ARID5B: variants seen among roughly 807,000 people sequenced by gnomAD.
ARID5B encodes the protein AT-rich interactive domain-containing protein 5B.
ARID5B carries 13 observed loss-of-function variants against 97.2 expected under a neutral mutation model. That is an observed-to-expected ratio of 0.13 (90% CI 0.09 to 0.21). The LOEUF (loss-of-function observed/expected upper bound fraction) is 0.21. Among genes scored for constraint, ARID5B ranks in the 10% least tolerant of loss-of-function variants. ARID5B has a pLI of 1.00. For synonymous variants in ARID5B, 556 were observed against 570.3 expected (o/e 0.97, Z 0.36); for missense variants, 1,210 against 1,465.3 (o/e 0.83, Z 2.84).
At chr10:62,029,039 A>G (rs1413697197) in intron 4 of ARID5B, among the ~76,000 whole-genome samples, 1 of 151,928 alleles carries the variant, frequency 6.6e-6, no homozygotes, top group East Asian at 1.9e-4. Flanking sequence ...CACCACAGCT[A>G]ACCTAAATCA....
intron 2 of ARID5B, among the ~76,000 whole-genome samples, chr10:61,916,487 G>A: frequency 6.6e-6 from 1 of 152,042 alleles, no homozygotes; most frequent in East Asian, 1.9e-4. Context: ...GTAAAACTAG[G>A]TCCTGACAGA....
chr10:62,024,615 G>T, intron 4 of ARID5B: 1 of 390,914 alleles, frequency 2.6e-6, no homozygotes, highest in Middle Eastern at 6.5e-4. Flanking sequence ...AGCTAGGAAA[G>T]AAATTCCTTT....
intron 8 of ARID5B, among the ~76,000 whole-genome samples, chr10:62,081,358 T>G (rs1484813758): frequency 6.6e-6 from 1 of 152,230 alleles, no homozygotes; most frequent in Non-Finnish European, 1.5e-5. Context: ...GCTCTGTAAA[T>G]AGATGGATTC....
At chr10:62,036,106 C>A in intron 4 of ARID5B, among the ~76,000 whole-genome samples, 1 of 151,668 alleles carries the variant, frequency 6.6e-6, no homozygotes, top group East Asian at 1.9e-4. Context: ...ATTACGGGCG[C>A]GAGCCACTGC....
intron 5 of ARID5B, among the ~76,000 whole-genome samples, chr10:62,051,316 A>G (rs1037621764): frequency 1.3e-5 from 2 of 152,326 alleles, no homozygotes; most frequent in South Asian, 4.1e-4. Context: ...GGGTGACACA[A>G]TGACATAGTT....
intron 3 of ARID5B, among the ~76,000 whole-genome samples, chr10:61,944,876 A>G (rs1263716145): frequency 6.6e-6 from 1 of 152,186 alleles, no homozygotes; most frequent in Non-Finnish European, 1.5e-5. Flanking sequence ...AAGATAGAGG[A>G]GTCTGAGCTG....
At chr10:61,969,526 C>T (rs556691729) in intron 3 of ARID5B, among the ~76,000 whole-genome samples, 89 of 152,158 alleles carry the variant, frequency 5.8e-4, no homozygotes, top group African/African-American at 2.0e-3. Context: ...ACCAGCCATA[C>T]CAAGGGACCT....
At position 62,071,695 on chromosome 10, in the gene ARID5B, C is replaced by A. The variant is rs144302000; in HGVS notation, c.1199+1898C>A. Among the ~76,000 whole-genome samples, 212 of 152,144 alleles carry A rather than the reference C, an allele frequency of 1.4e-3. 1 individual carries two copies. The highest frequency in any genetic ancestry group is 0.014 in the Middle Eastern group (4 of 294). On this transcript the variant is annotated intron_variant, in intron 8 of 9. Coordinates refer to ENST00000279873, the MANE Select transcript of ARID5B (RefSeq NM_032199.3). ...TGTACTTTTGATTATTTACTTCTTTCAGGAGATTCCTGAAAGCTTTCAATC... is the reference window on the plus strand; with the variant it reads ...TGTACTTTTGATTATTTACTTCTTTAAGGAGATTCCTGAAAGCTTTCAATC...
intron 7 of ARID5B, among the ~76,000 whole-genome samples, chr10:62,067,912 G>A (rs535223614): frequency 6.6e-6 from 1 of 152,348 alleles, no homozygotes; most frequent in Admixed American, 6.5e-5. Flanking sequence ...TGATCAGAGT[G>A]ATGGTTTCTT....
At chr10:62,011,995 C>T (rs567816414) in intron 4 of ARID5B, among the ~76,000 whole-genome samples, 1 of 147,734 alleles carries the variant, frequency 6.8e-6, no homozygotes, top group East Asian at 2.0e-4. Flanking sequence ...TACCATATTT[C>T]AAGGAGGGGA....
chr10:62,022,028 A>G (rs192454961), intron 4 of ARID5B, among the ~76,000 whole-genome samples: 4 of 152,330 alleles, frequency 2.6e-5, no homozygotes, highest in Non-Finnish European at 5.9e-5. Flanking sequence ...ACATTTTGTA[A>G]CCATTTTAGT....
intron 3 of ARID5B, among the ~76,000 whole-genome samples, chr10:61,991,538 A>G (rs1012762977): frequency 6.6e-6 from 1 of 152,126 alleles, no homozygotes; most frequent in Non-Finnish European, 1.5e-5. Context: ...TTTGTTACTG[A>G]GTTGCAGGAG....
chr10:61,967,162 G>A (rs1463461246), intron 3 of ARID5B, among the ~76,000 whole-genome samples: 2 of 152,050 alleles, frequency 1.3e-5, no homozygotes, highest in Non-Finnish European at 2.9e-5. Flanking sequence ...ATCTTCCAAT[G>A]GTGTCATCTG....
intron 4 of ARID5B, among the ~76,000 whole-genome samples, chr10:62,038,794 G>A (rs936075624): frequency 2.0e-5 from 3 of 152,108 alleles, no homozygotes; most frequent in African/African-American, 4.8e-5. Flanking sequence ...TAGTTTCTGC[G>A]GGTTTTTTTG....
At chr10:61,972,348 C>T (rs1450119241) in intron 3 of ARID5B, among the ~76,000 whole-genome samples, 1 of 151,760 alleles carries the variant, frequency 6.6e-6, no homozygotes, top group African/African-American at 2.4e-5. Context: ...CTGCCTCAGC[C>T]TCCTGAGTAG....
intron 3 of ARID5B, among the ~76,000 whole-genome samples, chr10:61,995,561 C>T (rs1838984557): frequency 6.6e-6 from 1 of 152,022 alleles, no homozygotes; most frequent in Non-Finnish European, 1.5e-5. Flanking sequence ...AATTTTAGAT[C>T]TGGAAATCTC....
intron 2 of ARID5B, among the ~76,000 whole-genome samples, chr10:61,911,997 T>G (rs1403041068): frequency 2.0e-5 from 3 of 152,214 alleles, no homozygotes; most frequent in Non-Finnish European, 4.4e-5. Flanking sequence ...GTTAGACAGC[T>G]TGATATAGTT....
intron 8 of ARID5B, among the ~76,000 whole-genome samples, chr10:62,071,030 C>CTTTTT (rs565983973): frequency 4.2e-5 from 3 of 71,154 alleles, no homozygotes; most frequent in Non-Finnish European, 5.3e-5. Context: ...TCATTCAGAA[C>CTTTTT]TTTTTTTTTT....
rs76727041 is a variant in ARID5B, at chr10:61,926,364, A to G, written c.277-13819A>G. On this transcript the variant is annotated intron_variant, in intron 2 of 9. Coordinates refer to ENST00000279873, the MANE Select transcript of ARID5B (RefSeq NM_032199.3). ...AAGGTTTAAATGACCAGTTTTCCAG[A>G]AAGAAGATGATGCTACCATGCTGGT... Among the ~76,000 whole-genome samples, 33 of 152,312 alleles carry G rather than the reference A, an allele frequency of 2.2e-4. No individual in the cohort carries two copies. In the East Asian group the frequency reaches 6.4e-3, roughly 29 times the overall value.
Sources: gnomAD v4.1 joint callset for allele counts (sites outside exome capture counted in the v4.1 genomes callset) on GRCh38, gnomAD v4.1.1 for gene constraint, MANE v1.5 for transcripts, NCBI Gene and HGNC (gene_info 2026-07-23, HGNC 2026-07-21) for gene names.